The following TUBGCP5 variants were observed in gnomAD, a reference collection of about 807,000 sequenced individuals.
The protein encoded by TUBGCP5 is gamma-tubulin complex component 5.
TUBGCP5 carries 98 observed loss-of-function variants against 134.7 expected under a neutral mutation model. The observed-to-expected ratio is 0.73, with a 90% CI of 0.62 to 0.86. The LOEUF (loss-of-function observed/expected upper bound fraction) is 0.86. TUBGCP5 is among the 40% of genes least tolerant of loss of function. The probability of loss-of-function intolerance (pLI) is 0.00; values close to 1 mark genes in which losing one functional copy is unlikely to be tolerated. For synonymous variants in TUBGCP5, 456 were observed against 431.4 expected (o/e 1.06, Z -0.71); for missense variants, 1,150 against 1,244.8 (o/e 0.92, Z 1.15).
chr15:22,984,628 A>G (rs904109573), intron 23 of TUBGCP5, among the ~76,000 whole-genome samples: 2 of 151,986 alleles, frequency 1.3e-5, no homozygotes, highest in Admixed American at 6.6e-5. Flanking sequence ...TAAAAAAAAA[A>G]TAAAAGAAAC....
rs772998058 is a variant in TUBGCP5 at position 23,019,377 on chromosome 15, G to A, written c.1372-43C>T. 4 of 1,333,054 alleles carry A rather than the reference G, an allele frequency of 3.0e-6. No homozygotes were observed. The East Asian group carries it at 9.4e-5, about 31-fold the overall frequency. The allele number at this position is 1,333,054 out of a possible 1,614,324, so 82.6% of individuals were successfully genotyped here. On this transcript the variant is annotated intron_variant, in intron 11 of 22. Coordinates refer to ENST00000615383, the MANE Select transcript of TUBGCP5 (RefSeq NM_052903.6). Reference sequence around the variant, plus strand: ...CACGGTCAGCTCTCAGGGTTCCCTGGTCACTAGGATAAAAGGAGGTTTAAA... The same window carrying A: ...CACGGTCAGCTCTCAGGGTTCCCTGATCACTAGGATAAAAGGAGGTTTAAA...
In TUBGCP5 at chr15:23,001,545, G is replaced by C. The variant is rs544658315; in HGVS notation, c.2928-876C>G. Reference sequence around the variant, plus strand: ...TTTAGTAGAGATGGAGTTTCTCCATGTTGGTCAGGCTGGTCTCGAACTCCT... The same window carrying C: ...TTTAGTAGAGATGGAGTTTCTCCATCTTGGTCAGGCTGGTCTCGAACTCCT... On this transcript the variant is annotated intron_variant, in intron 21 of 22. Coordinates refer to ENST00000615383, the MANE Select transcript of TUBGCP5 (RefSeq NM_052903.6). 5.3e-3 allele frequency among the ~76,000 whole-genome samples: 798 copies of C among 151,994 alleles called. 12 individuals carry two copies. The highest frequency in any genetic ancestry group is 0.017 in the African/African-American group (714 of 41,458).
chr15:23,010,176 C>T (rs1213449262), intron 14 of TUBGCP5, 43 bp from the exon 15 acceptor site: 6 of 1,571,396 alleles, frequency 3.8e-6, no homozygotes, highest in Middle Eastern at 1.7e-4. Flanking sequence ...GAGCTGCTGT[C>T]AACAGAACTC....
Position 23,036,914 on chromosome 15 carries a change from T to G in TUBGCP5, c.292A>C (p.Ser98Arg), listed in dbSNP as rs1361180210. Residue 98 changes from serine (S) to arginine (R), a missense_variant, in exon 3 of 23, where the codon AGT (serine) becomes CGT (arginine). By Grantham distance (110) the Ser-to-Arg change is moderately radical. This residue lies in a region of TUBGCP5 where 453 missense variants were observed against 394.7 expected (regional missense o/e 1.15). Transcript: ENST00000615383. ...TEEFLNAPLPSIKEIKTDAHY... is the reference protein window; with the variant it reads ...TEEFLNAPLPRIKEIKTDAHY... ...AGGCATACCTTTATTTCCTTTATAC[T>G]GGGAAGTGGTGCATTTAGAAATTCC... 2 of 1,608,748 alleles carry G rather than the reference T, an allele frequency of 1.2e-6. No individual in the cohort carries two copies. The highest frequency in any genetic ancestry group is 1.7e-5 in the Admixed American group (1 of 59,902).
Position 23,016,830 on chromosome 15 carries a change from G to A in TUBGCP5, c.1756+943C>T, listed in dbSNP as rs148339215. ...TATGATATAGCAATCCCACTGGTGG[G>A]CATTTATCCAAAGGAAAGGAAATCA... On this transcript the variant is annotated intron_variant, in intron 13 of 22. Transcript: ENST00000615383. Among the ~76,000 whole-genome samples, 93 of 151,796 alleles carry A rather than the reference G, an allele frequency of 6.1e-4. No individual in the cohort carries two copies. The East Asian group carries it at 0.014, about 22-fold the overall frequency.
chr15:23,033,751 C>T (rs923987198), intron 3 of TUBGCP5, among the ~76,000 whole-genome samples: 1 of 152,148 alleles, frequency 6.6e-6, no homozygotes, highest in African/African-American at 2.4e-5. Flanking sequence ...TTTTATTAAT[C>T]AGATCGGTGA....
At chr15:22,993,572 T>C (rs572614633) in intron 23 of TUBGCP5, among the ~76,000 whole-genome samples, 2 of 128,052 alleles carry the variant, frequency 1.6e-5, no homozygotes, top group Non-Finnish European at 3.2e-5. Flanking sequence ...TGAGACGGAG[T>C]CTCGCTCTGT....
intron 13 of TUBGCP5, 151 bp downstream of exon 13, chr15:23,017,622 G>A: frequency 1.4e-6 from 1 of 734,030 alleles, no homozygotes; most frequent in Middle Eastern, 3.7e-4. Flanking sequence ...AGAGCAGCAT[G>A]GTTACTAATT....
chr15:23,011,182 G>T lies in TUBGCP5; in HGVS notation c.1906C>A (p.Leu636Ile). ...MKMQSIAESHLELDDVHDPLL... is the reference protein window; with the variant it reads ...MKMQSIAESHIELDDVHDPLL... ...GGATCATGAACATCATCCAGTTCAA[G>T]ATGGCTTTCAGCAATGGACTGCATC... Residue 636 changes from leucine (L) to isoleucine (I), a missense_variant, in exon 14 of 23, where the codon CTT becomes ATT. Around this residue, in one of 2 missense-constraint regions of TUBGCP5, gnomAD observed 697 missense variants for 850.1 expected, o/e 0.82. Coordinates refer to ENST00000615383, the MANE Select transcript of TUBGCP5 (RefSeq NM_052903.6). The T allele has an allele frequency of 1.2e-6, 2 of 1,613,992 alleles. No homozygotes were observed. Among genetic ancestry groups the T allele is most frequent in the Non-Finnish European group, 1.7e-6 (2 of 1,180,006 alleles).
At chr15:23,027,448 AT>A in intron 6 of TUBGCP5, 142 bp from the exon 7 acceptor site, 1 of 658,016 alleles carries the variant, frequency 1.5e-6, no homozygotes. Context: ...TGTATATATG[AT>A]TATTTTAAAC....
At chr15:23,033,439 C>T (rs1277230833) in intron 3 of TUBGCP5, among the ~76,000 whole-genome samples, 1 of 152,050 alleles carries the variant, frequency 6.6e-6, no homozygotes, top group African/African-American at 2.4e-5. Flanking sequence ...CCACCACGCC[C>T]GGGTAACTTT....
At chr15:23,031,490 G>GT in intron 5 of TUBGCP5, among the ~76,000 whole-genome samples, 2 of 152,056 alleles carry the variant, frequency 1.3e-5, no homozygotes, top group South Asian at 4.1e-4. Context: ...CTAATTTTTT[G>GT]TATTCTTAGT....
At chr15:23,003,800 G>A (rs2064541887) in intron 20 of TUBGCP5, among the ~76,000 whole-genome samples, 1 of 151,950 alleles carries the variant, frequency 6.6e-6, no homozygotes, top group Admixed American at 6.6e-5. Context: ...CTCCAGGTAT[G>A]CACCACCATG....
chr15:23,006,586 AC>A (rs1262147870), intron 16 of TUBGCP5, among the ~76,000 whole-genome samples: 1 of 152,204 alleles, frequency 6.6e-6, no homozygotes, highest in Admixed American at 6.5e-5. Flanking sequence ...AGTTAAAGAG[AC>A]ACTTAACAAT....
chr15:22,995,272 A>G (rs767817354), downstream of TUBGCP5, among the ~76,000 whole-genome samples: 3 of 151,838 alleles, frequency 2.0e-5, no homozygotes, highest in Non-Finnish European at 4.4e-5. Flanking sequence ...AAATAAAAAT[A>G]AAAGAATAAA....
chr15:23,011,358 G>C, intron 13 of TUBGCP5, 27 bp from the exon 14 acceptor site: 1 of 1,560,418 alleles, frequency 6.4e-7, no homozygotes, highest in South Asian at 1.1e-5. Context: ...TATGTAAGGT[G>C]AACTAAGTTC....
In TUBGCP5 at chr15:23,018,148, G is replaced by T. The variant is rs973582612; in HGVS notation, c.1488-107C>A. ...TTATAAAACATAGTATTAATTATTA[G>T]TAAACTGAAGCAAACTTTAGGCAAA... On this transcript the variant is annotated intron_variant, in intron 12 of 22. Transcript: ENST00000615383. 3.4e-5 allele frequency: 40 copies of T among 1,186,054 alleles called. No individual in the cohort carries two copies. The African/African-American group carries it at 6.1e-4, about 18-fold the overall frequency. 73.5% of individuals were successfully genotyped at this position (1,186,054 alleles called of 1,614,324 possible).
At chr15:23,030,205 AG>A (rs2066227030) in intron 6 of TUBGCP5, among the ~76,000 whole-genome samples, 1 of 152,106 alleles carries the variant, frequency 6.6e-6, no homozygotes, top group African/African-American at 2.4e-5. Flanking sequence ...CCAAAAAAAA[AG>A]AAAAGGAGCC....
At chr15:23,031,644 A>C (rs1438781594) in intron 5 of TUBGCP5, among the ~76,000 whole-genome samples, 2 of 151,978 alleles carry the variant, frequency 1.3e-5, no homozygotes, top group Non-Finnish European at 2.9e-5. Flanking sequence ...ATTTTTTAAA[A>C]ATAGACACAG....
Sources: gnomAD v4.1 joint callset for allele counts (sites outside exome capture counted in the v4.1 genomes callset) on GRCh38, gnomAD v4.1.1 for gene constraint, gnomAD v4.1.1 regional missense constraint, MANE v1.5 for transcripts, NCBI Gene and HGNC (gene_info 2026-07-23, HGNC 2026-07-21) for gene names.